The following C12orf43 variants were observed in gnomAD, a reference collection of about 807,000 sequenced individuals.
C12orf43 encodes the protein protein CUSTOS.
A neutral mutation model predicts 20.6 loss-of-function variants in C12orf43; 15 were observed. The ratio of observed to expected loss-of-function variants is 0.73; its 90% CI spans 0.49 to 1.12. The LOEUF (loss-of-function observed/expected upper bound fraction) is 1.12, where lower values mean the gene tolerates loss of function less well. Ranked by LOEUF, C12orf43 falls within the 50% of genes most tolerant of loss-of-function variation. The probability of loss-of-function intolerance (pLI) is 0.00; values close to 1 mark genes in which losing one functional copy is unlikely to be tolerated. For missense variants in C12orf43, 334 were observed against 344.4 expected (o/e 0.97, Z 0.24); for synonymous variants, 144 against 130.8 (o/e 1.10, Z -0.69).
intron 1 of C12orf43, 44 bp downstream of exon 1, chr12:121,016,286 G>A: frequency 6.2e-7 from 1 of 1,611,418 alleles, no homozygotes; most frequent in Non-Finnish European, 8.5e-7. Flanking sequence ...TCCAGGGGAA[G>A]ATCCCACGCC....
At chr12:121,012,849 T>TAAAA (rs10636003) in intron 1 of C12orf43, among the ~76,000 whole-genome samples, 3,001 of 91,560 alleles carry the variant, frequency 0.033, 152 homozygotes, top group South Asian at 0.048. Flanking sequence ...AGACTCCGTC[T>TAAAA]AAAAAAAAAA....
chr12:121,015,115 G>A (rs149630484), intron 1 of C12orf43, among the ~76,000 whole-genome samples: 59 of 152,298 alleles, frequency 3.9e-4, no homozygotes, highest in African/African-American at 1.3e-3. Context: ...TATGGGGTGG[G>A]TACTATCACT....
chr12:121,000,862 C>A lies in C12orf43; in HGVS notation c.*3291G>T. 1 of 651,872 alleles carries A rather than the reference C, an allele frequency of 1.5e-6. No individual in the cohort carries two copies. The highest frequency in any genetic ancestry group is 2.7e-6 in the Non-Finnish European group (1 of 367,812). 40.4% of individuals were successfully genotyped at this position (651,872 alleles called of 1,614,324 possible). Reference sequence around the variant, plus strand: ...GTGTTCACACTAAGATGTACTCAGGCCACTCCATGGGCGGCCGTGGACCCT... The same window carrying A: ...GTGTTCACACTAAGATGTACTCAGGACACTCCATGGGCGGCCGTGGACCCT... On this transcript the variant is annotated 3_prime_UTR_variant, in exon 6 of 6. Coordinates refer to ENST00000288757, the MANE Select transcript of C12orf43 (RefSeq NM_022895.3).
intron 4 of C12orf43, 94 bp downstream of exon 4, chr12:121,006,215 CAAAAAAAGAAAA>C (rs1422380562): frequency 9.6e-6 from 9 of 938,326 alleles, no homozygotes; most frequent in Non-Finnish European, 1.4e-5. Flanking sequence ...GTTCCTATCT[CAAAAAAAGAAAA>C]AAAAAAAAGA....
rs769527864 is a variant in C12orf43, at chr12:121,000,540, C to T, written c.*3613G>A. ...ATTTGAAGGACTTGGCCCGTGTCTG[C>T]GGGGGGCTGGCAGGCCTGAAATCTG... is the stretch of plus-strand genomic sequence containing the variant. On this transcript the variant is annotated 3_prime_UTR_variant, in exon 6 of 6. Transcript: ENST00000288757. 7 of 201,596 alleles carry T rather than the reference C, an allele frequency of 3.5e-5. No individual in the cohort carries two copies. Among genetic ancestry groups the T allele is most frequent in the Non-Finnish European group, 7.1e-5 (7 of 98,200 alleles). 12.5% of individuals were successfully genotyped at this position (201,596 alleles called of 1,614,324 possible).
rs145807784 is a variant in C12orf43, at chr12:121,010,860, G to A, written c.255C>T (p.His85=). The A allele has an allele frequency of 2.2e-5, 35 of 1,613,884 alleles. No individual in the cohort carries two copies. Among genetic ancestry groups the A allele is most frequent in the African/African-American group, 5.3e-5 (4 of 74,896 alleles). Residue 85 remains histidine (H), a synonymous_variant, in exon 3 of 6, where the codon CAC becomes CAT. Coordinates refer to ENST00000288757, the MANE Select transcript of C12orf43 (RefSeq NM_022895.3). Reference sequence around the variant, plus strand: ...GCAGGGCTCCCAGCTTCTTGGCTACGTGGGCTCGGAATTCAGGGGTGGTCT... The same window carrying A: ...GCAGGGCTCCCAGCTTCTTGGCTACATGGGCTCGGAATTCAGGGGTGGTCT... ...ELQTTPEFRA[H]VAKKLGALLD...
In C12orf43 at chr12:121,001,439, G is replaced by T; in HGVS notation, c.*2714C>A. The T allele has an allele frequency of 1.8e-6, 1 of 549,050 alleles. No homozygotes were observed. Among genetic ancestry groups the T allele is most frequent in the Non-Finnish European group, 3.3e-6 (1 of 303,638 alleles). The allele number at this position is 549,050 out of a possible 1,614,324, so 34.0% of individuals were successfully genotyped here. A position where few individuals can be genotyped will look rare whatever the true frequency, so the allele number is the denominator to read the frequency against. On this transcript the variant is annotated 3_prime_UTR_variant, in exon 6 of 6. Transcript: ENST00000288757. ...CTAGGAGCAAAGCCTGTTCATGGCA[G>T]ATGTAGGAGGGACTGTCGCTGCTTC...
chr12:121,011,385 T>C (rs552998910), intron 1 of C12orf43, among the ~76,000 whole-genome samples: 50 of 147,994 alleles, frequency 3.4e-4, no homozygotes, highest in Non-Finnish European at 5.2e-4. Context: ...TTTATGTAAG[T>C]ACATTATATA....
At chr12:121,013,559 C>T (rs1868599422) in intron 1 of C12orf43, among the ~76,000 whole-genome samples, 1 of 152,206 alleles carries the variant, frequency 6.6e-6, no homozygotes, top group Non-Finnish European at 1.5e-5. Context: ...CTCTGTATCC[C>T]CAGATCCTGC....
intron 1 of C12orf43, 33 bp from the exon 2 acceptor site, chr12:121,011,179 A>G (rs1221159437): frequency 6.2e-7 from 1 of 1,604,368 alleles, no homozygotes; most frequent in African/African-American, 1.3e-5. Flanking sequence ...GCATTTATAG[A>G]GGAAACAATG....
chr12:121,006,411 C>T lies in C12orf43; in HGVS notation c.288-17G>A, dbSNP rs374164393. 17 of 1,611,724 alleles carry T rather than the reference C, an allele frequency of 1.1e-5. No individual in the cohort carries two copies. Among genetic ancestry groups the T allele is most frequent in the South Asian group, 3.3e-5 (3 of 90,982 alleles). On this transcript the variant is annotated splice_polypyrimidine_tract_variant and intron_variant, in intron 3 of 5. Coordinates refer to ENST00000288757, the MANE Select transcript of C12orf43 (RefSeq NM_022895.3). ...GTAATGAAGCTACAGGGAGACGAGA[C>T]GGTTGATTTAAGATGAGATTTTTGG...
chr12:121,008,383 C>T (rs537284623), intron 3 of C12orf43, among the ~76,000 whole-genome samples: 1 of 152,326 alleles, frequency 6.6e-6, no homozygotes, highest in South Asian at 2.1e-4. Flanking sequence ...GATCCACCCG[C>T]TTCAGCCTCC....
Position 121,004,459 on chromosome 12 carries a change from G to A in C12orf43, c.483C>T (p.Cys161=), listed in dbSNP as rs1877822446. 1.1e-5 allele frequency: 17 copies of A among 1,609,044 alleles called. No homozygotes were observed. The highest frequency in any genetic ancestry group is 1.4e-5 in the Non-Finnish European group (16 of 1,177,982). The change falls in exon 6 of 6, where the codon TGC becomes TGT. Residue 161 remains cysteine (C), a synonymous_variant. Transcript: ENST00000288757. The surrounding 1 kb of genome is among the most constrained non-coding windows in gnomAD (Gnocchi z 5.6). ...SEDSDEEWRR[C]REAAVSASDI... is the part of the protein sequence containing the mutation. ...CGGACGCCGACACAGCTGCCTCCCG[G>A]CACCGCCGCCACTCCTCGTCACTGT...
At position 121,009,534 on chromosome 12, in the gene C12orf43, G is replaced by A. The variant is rs549986838; in HGVS notation, c.287+1294C>T. Among the ~76,000 whole-genome samples the A allele has an allele frequency of 1.4e-3, 216 of 152,204 alleles. 1 individual carries two copies. Among genetic ancestry groups the A allele is most frequent in the Non-Finnish European group, 2.6e-3 (180 of 68,000 alleles). On this transcript the variant is annotated intron_variant, in intron 3 of 5. Transcript: ENST00000288757. The stretch of plus-strand genomic sequence containing the variant: ...TGAGAGGTGATTAGGTCGGGAGGGT[G>A]GAGCCTTGATGAATGAAATTGCTGC...
At chr12:121,011,569 G>T (rs1373868425) in intron 1 of C12orf43, among the ~76,000 whole-genome samples, 2 of 151,836 alleles carry the variant, frequency 1.3e-5, no homozygotes, top group Admixed American at 1.3e-4. Context: ...CCAACAACCC[G>T]ATTGGAGGGA....
At chr12:121,016,128 C>T (rs1868883124) in intron 1 of C12orf43, 1 of 817,740 alleles carries the variant, frequency 1.2e-6, no homozygotes, top group South Asian at 1.5e-5. Flanking sequence ...CATTTGGGTA[C>T]CTCAGCTTCC....
chr12:121,008,029 AAG>A, intron 3 of C12orf43, among the ~76,000 whole-genome samples: 1 of 92 alleles, frequency 0.011, no homozygotes, highest in East Asian at 0.25. Context: ...CTATAATGGG[AAG>A]AAGAAGGATA....
In C12orf43 at chr12:121,001,733, A is replaced by G; in HGVS notation, c.*2420T>C. 1 of 529,044 alleles carries G rather than the reference A, an allele frequency of 1.9e-6. No homozygotes were observed. The allele number at this position is 529,044 out of a possible 1,614,324, so 32.8% of individuals were successfully genotyped here. On this transcript the variant is annotated 3_prime_UTR_variant, in exon 6 of 6. Transcript: ENST00000288757. ...CCCACATGCCATTTGTACTGACCCC[A>G]TCACCTACTCACACAGGCATTTCCT...
At position 121,001,145 on chromosome 12, in the gene C12orf43, G is replaced by A. The variant is rs146855738; in HGVS notation, c.*3008C>T. The A allele has an allele frequency of 3.7e-5, 59 of 1,613,968 alleles. No individual in the cohort carries two copies. The highest frequency in any genetic ancestry group is 4.3e-5 in the Non-Finnish European group (51 of 1,180,016). ...CCACCTGCTGCCATCCAACCACAGC[G>A]TCATCGAGACCTTCATCTCCACCCA... On this transcript the variant is annotated 3_prime_UTR_variant, in exon 6 of 6. Coordinates refer to ENST00000288757, the MANE Select transcript of C12orf43 (RefSeq NM_022895.3).
Sources: gnomAD v4.1 joint callset for allele counts (sites outside exome capture counted in the v4.1 genomes callset) on GRCh38, gnomAD v4.1.1 for gene constraint, Gnocchi (gnomAD v3.1) non-coding constraint, MANE v1.5 for transcripts, NCBI Gene and HGNC (gene_info 2026-07-23, HGNC 2026-07-21) for gene names.